The following GRTP1 variants were observed in gnomAD, a reference collection of about 807,000 sequenced individuals.
GRTP1 encodes the protein growth hormone-regulated TBC protein 1.
In GRTP1, 56 loss-of-function variants were observed where a neutral mutation model predicts 38.1. That is an observed-to-expected ratio of 1.47 (90% confidence interval 1.19 to 1.84). GRTP1 has a LOEUF of 1.84. Ranked by LOEUF, GRTP1 falls within the 40% of genes most tolerant of loss-of-function variation. The probability of loss-of-function intolerance (pLI) is 0.00; values close to 1 mark genes in which losing one functional copy is unlikely to be tolerated. For missense variants in GRTP1, 506 were observed against 453.9 expected, an observed-to-expected ratio of 1.11 and a Z score of -1.04; for synonymous variants, 217 against 189.5, an observed-to-expected ratio of 1.14 and a Z score of -1.19.
chr13:113,333,825 T>TATTTATTTATTTA (rs1313765641), intron 5 of GRTP1, among the ~76,000 whole-genome samples: 1 of 110,366 alleles, frequency 9.1e-6, no homozygotes, highest in African/African-American at 3.6e-5. Context: ...TTTATTTATT[T>TATTTATTTATTTA]ATTTATTTAT....
In GRTP1 at chr13:113,346,227, AACAGACCCGG is replaced by A. The variant is rs2043124612; in HGVS notation, c.466-1278_466-1269del. Among the ~76,000 whole-genome samples, 21 of 116,678 alleles carry A rather than the reference AACAGACCCGG, an allele frequency of 1.8e-4. 1 individual carries two copies. Among genetic ancestry groups the A allele is most frequent in the African/African-American group, 6.8e-4 (21 of 30,836 alleles). 76.5% of individuals were successfully genotyped at this position (116,678 alleles called of 152,430 possible). A position where few individuals can be genotyped will look rare whatever the true frequency, so the allele number is the denominator to read the frequency against. On this transcript the variant is annotated intron_variant, in intron 4 of 7. Transcript: ENST00000375431. ...ACCCGGGAGGACCTCTGTGGCTGAGAACAGACCCGGGAGGACCTCTGTGGCCGAGAGCAGA... is the reference window on the plus strand; with the variant it reads ...ACCCGGGAGGACCTCTGTGGCTGAGAGAGGACCTCTGTGGCCGAGAGCAGA...
At chr13:113,334,289 C>T (rs1374172159) in intron 5 of GRTP1, among the ~76,000 whole-genome samples, 1 of 152,186 alleles carries the variant, frequency 6.6e-6, no homozygotes, top group South Asian at 2.1e-4. Flanking sequence ...GACAGCCTCC[C>T]GCCCACCCTG....
intron 3 of GRTP1, among the ~76,000 whole-genome samples, chr13:113,354,627 CAAGCGA>C (rs1212177748): frequency 6.6e-6 from 1 of 151,762 alleles, no homozygotes; most frequent in Non-Finnish European, 1.5e-5. Context: ...CTCCCGGGTT[CAAGCGA>C]TTCTCCTGCC....
chr13:113,328,439 C>T (rs1041812325), intron 5 of GRTP1, among the ~76,000 whole-genome samples: 4 of 152,224 alleles, frequency 2.6e-5, no homozygotes, highest in Non-Finnish European at 5.9e-5. Flanking sequence ...GTGTGAGTCC[C>T]AAGACCACTC....
At chr13:113,324,973 C>G (rs777257446) in intron 7 of GRTP1, 1 of 517,564 alleles carries the variant, frequency 1.9e-6, no homozygotes, top group South Asian at 6.7e-5. Context: ...ACTACATAAG[C>G]GTGAGCCACC....
chr13:113,363,819 T>G lies in GRTP1; in HGVS notation c.124A>C (p.Arg42=). The G allele has an allele frequency of 6.2e-7, 1 of 1,611,720 alleles. No individual in the cohort carries two copies. Among genetic ancestry groups the G allele is most frequent in the Non-Finnish European group, 8.5e-7 (1 of 1,179,524 alleles). ...AGCAGCCGGGACCATTTGATCGCCC[T>G]GCGGGTGAGCGTGACCAGGTAGCTG... The part of the protein sequence containing the change: ...FSSYLVTLTR[R]AIKWSRLLQG... The change falls in exon 2 of 8, where the codon AGG becomes CGG. Residue 42 remains arginine (R), a synonymous_variant. Transcript: ENST00000375431.
rs951275136 is a variant in GRTP1, at chr13:113,343,341, A to G, written c.562+1522T>C. On this transcript the variant is annotated intron_variant, in intron 5 of 7. Transcript: ENST00000375431. This position sits in a 1 kb window ranked among gnomAD's most constrained non-coding sequence, Gnocchi z 4.8. ...TTCTGCCTGCTGCTGCTGCTGCTGCACTGGGTCCCTGGGCCCCAGCCGGGT... is the reference window on the plus strand; with the variant it reads ...TTCTGCCTGCTGCTGCTGCTGCTGCGCTGGGTCCCTGGGCCCCAGCCGGGT... 6.6e-6 allele frequency among the ~76,000 whole-genome samples: 1 copy of G among 152,016 alleles called. No homozygotes were observed. Among genetic ancestry groups the G allele is most frequent in the African/African-American group, 2.4e-5 (1 of 41,382 alleles).
At chr13:113,338,433 A>T (rs1469808099) in intron 5 of GRTP1, among the ~76,000 whole-genome samples, 2 of 151,932 alleles carry the variant, frequency 1.3e-5, no homozygotes, top group Non-Finnish European at 2.9e-5. Flanking sequence ...CCTCTAAGTG[A>T]CTCATGAGCG....
At chr13:113,356,952 G>A (rs2043398481) in intron 2 of GRTP1, among the ~76,000 whole-genome samples, 1 of 152,164 alleles carries the variant, frequency 6.6e-6, no homozygotes, top group Non-Finnish European at 1.5e-5. Context: ...ATTATACAAG[G>A]ACAACGAGGG....
rs189913109 is a variant in GRTP1, at chr13:113,344,843, C to T, written c.562+20G>A. 6.3e-4 allele frequency: 1,001 copies of T among 1,590,824 alleles called. 3 individuals are homozygous for T. The African/African-American group carries it at 9.5e-3, about 15-fold the overall frequency. ...CAGAAACAGGACAGTTCGGGCATAC[C>T]GCAGGAATTTTCAACATACCTGGTA... On this transcript the variant is annotated intron_variant, in intron 5 of 7. Coordinates refer to ENST00000375431, the MANE Select transcript of GRTP1 (RefSeq NM_024719.4).
In GRTP1 at chr13:113,334,519, G is replaced by A. The variant is rs916879620; in HGVS notation, c.563-8428C>T. Reference sequence around the variant, plus strand: ...AACCACTCTTGCGGATTCTCAATTTGAGATTATAAATAAGCAATAAAGTTG... The same window carrying A: ...AACCACTCTTGCGGATTCTCAATTTAAGATTATAAATAAGCAATAAAGTTG... On this transcript the variant is annotated intron_variant, in intron 5 of 7. Transcript: ENST00000375431. Among the ~76,000 whole-genome samples the A allele has an allele frequency of 1.1e-4, 16 of 152,164 alleles. No individual in the cohort carries two copies. The East Asian group carries it at 3.1e-3, about 29-fold the overall frequency.
Position 113,364,010 on chromosome 13 carries a change from C to G in GRTP1, c.32+10G>C. 1 of 1,446,742 alleles carries G rather than the reference C, an allele frequency of 6.9e-7. No individual in the cohort carries two copies. The highest frequency in any genetic ancestry group is 1.5e-5 in the South Asian group (1 of 68,140). 89.6% of individuals were successfully genotyped at this position (1,446,742 alleles called of 1,614,324 possible). On this transcript the variant is annotated intron_variant, in intron 1 of 7. Transcript: ENST00000375431. ...AGCCGCCGGGGACGCCCGCACCCCG[C>G]GCCACACACCTGGGGACCCGCGAGC...
rs2042758799 is a variant in GRTP1, at chr13:113,325,928, C to A, written c.726G>T (p.Leu242Phe). ...CGAGTGAGGCGCTCACCTCCACGGG[C>A]AAGATGTCCACAAACAGGCAGATGA... Reference protein sequence around the residue: ...RWFICLFVDILPVETVLRIWD... With the variant: ...RWFICLFVDIFPVETVLRIWD... Residue 242 changes from leucine (L) to phenylalanine (F), a missense_variant, in exon 6 of 8, where the codon TTG becomes TTT. Transcript: ENST00000375431. 1.2e-6 allele frequency: 2 copies of A among 1,613,962 alleles called. No homozygotes were observed. Among genetic ancestry groups the A allele is most frequent in the Non-Finnish European group, 1.7e-6 (2 of 1,179,966 alleles).
chr13:113,347,481 CCTGGGAGGACCTCTGTGG>C lies in GRTP1; in HGVS notation c.466-2540_466-2523del, dbSNP rs1566432260. Among the ~76,000 whole-genome samples, 49 of 54,088 alleles carry C rather than the reference CCTGGGAGGACCTCTGTGG, an allele frequency of 9.1e-4. 3 individuals carry two copies. Among genetic ancestry groups the C allele is most frequent in the South Asian group, 2.1e-3 (3 of 1,436 alleles). The allele number at this position is 54,088 out of a possible 152,430, so 35.5% of individuals were successfully genotyped here. Reference sequence around the variant, plus strand: ...GAGGATCTCTGTGGCCGAGAGCAGACCTGGGAGGACCTCTGTGGCCGAGAGCGGACCCAGGAGCACCTC... The same window carrying C: ...GAGGATCTCTGTGGCCGAGAGCAGACCCGAGAGCGGACCCAGGAGCACCTC... On this transcript the variant is annotated intron_variant, in intron 4 of 7. Coordinates refer to ENST00000375431, the MANE Select transcript of GRTP1 (RefSeq NM_024719.4).
At chr13:113,336,405 G>A (rs2042955737) in intron 5 of GRTP1, among the ~76,000 whole-genome samples, 1 of 151,066 alleles carries the variant, frequency 6.6e-6, no homozygotes, top group Admixed American at 6.6e-5. Flanking sequence ...TCAGTCCCAA[G>A]TCCTCCTCTG....
At chr13:113,356,290 C>G (rs975196360) in intron 2 of GRTP1, among the ~76,000 whole-genome samples, 2 of 151,896 alleles carry the variant, frequency 1.3e-5, no homozygotes, top group African/African-American at 4.8e-5. Context: ...TTTTTCGAGA[C>G]GGAGTCTTGT....
chr13:113,333,838 A>ATTTAGTGT (rs749095615), intron 5 of GRTP1, among the ~76,000 whole-genome samples: 14 of 23,592 alleles, frequency 5.9e-4, no homozygotes, highest in African/African-American at 9.5e-4. Context: ...TTATTTATTT[A>ATTTAGTGT]GTGTGTGTGT....
rs954838608 is a variant in GRTP1 at position 113,342,788 on chromosome 13, G to A, written c.562+2075C>T. Among the ~76,000 whole-genome samples the A allele has an allele frequency of 3.6e-4, 55 of 152,308 alleles. No individual in the cohort carries two copies. The highest frequency in any genetic ancestry group is 1.3e-3 in the African/African-American group (54 of 41,576). On this transcript the variant is annotated intron_variant, in intron 5 of 7. Transcript: ENST00000375431. This position sits in a 1 kb window ranked among gnomAD's most constrained non-coding sequence, Gnocchi z 4.5. Reference sequence around the variant, plus strand: ...CGGAATAACCCCCTTTTCCTCCCATGATCCTAACAGTTTAGTTTTTGTACT... The same window carrying A: ...CGGAATAACCCCCTTTTCCTCCCATAATCCTAACAGTTTAGTTTTTGTACT...
chr13:113,327,229 T>G (rs1002423406), intron 5 of GRTP1, among the ~76,000 whole-genome samples: 1 of 152,214 alleles, frequency 6.6e-6, no homozygotes, highest in Non-Finnish European at 1.5e-5. Flanking sequence ...GAGGCTGGAA[T>G]GTAGTGGCAT....
Sources: gnomAD v4.1 joint callset for allele counts (sites outside exome capture counted in the v4.1 genomes callset) on GRCh38, gnomAD v4.1.1 for gene constraint, Gnocchi (gnomAD v3.1) non-coding constraint, MANE v1.5 for transcripts, NCBI Gene and HGNC (gene_info 2026-07-23, HGNC 2026-07-21) for gene names.